NFASC: variants seen among roughly 807,000 people sequenced by gnomAD.
NFASC encodes neurofascin.
In NFASC, 43 loss-of-function variants were observed where a neutral mutation model predicts 147.5. That is an observed-to-expected ratio of 0.29 (90% CI 0.23 to 0.38). The LOEUF is 0.38. Ranked by LOEUF, NFASC falls within the 10% of genes least tolerant of loss-of-function variation. The pLI, the probability that NFASC is intolerant of heterozygous loss-of-function variation, is 1.00. For missense variants in NFASC, 1,320 were observed against 1,689.0 expected, an observed-to-expected ratio of 0.78 and a Z score of 3.83; for synonymous variants, 622 against 665.5, an observed-to-expected ratio of 0.93 and a Z score of 1.01.
intron 1 of NFASC, among the ~76,000 whole-genome samples, chr1:204,910,175 T>G (rs2087012194): frequency 6.6e-6 from 1 of 152,164 alleles, no homozygotes; most frequent in Admixed American, 6.5e-5. Flanking sequence ...ATGGAGATAA[T>G]TTGCATCTTT....
At position 204,944,300 on chromosome 1, in the gene NFASC, G is replaced by A; in HGVS notation, c.-16G>A. ...CCCGAGTGCTGGGGAGCAGGGAGCA[G>A]GGCCAGGTGCCGAGGATGGCCAGGC... On this transcript the variant is annotated 5_prime_UTR_variant, in exon 3 of 30. Coordinates refer to ENST00000339876, the MANE Select transcript of NFASC (RefSeq NM_001005388.3). The A allele has an allele frequency of 1.9e-6, 3 of 1,612,358 alleles. No individual in the cohort carries two copies. The highest frequency in any genetic ancestry group is 2.5e-6 in the Non-Finnish European group (3 of 1,179,452).
intron 1 of NFASC, among the ~76,000 whole-genome samples, chr1:204,892,932 A>G (rs764755348): frequency 2.0e-5 from 3 of 152,256 alleles, no homozygotes; most frequent in Non-Finnish European, 2.9e-5. Flanking sequence ...ATCCATGGCT[A>G]CAGCAAAGCA....
At position 204,842,029 on chromosome 1, in the gene NFASC, T is replaced by G. The variant is rs138220193; in HGVS notation, c.-200+13247T>G. ...GCCCCAGTCCAGGTGCTTATACATCTATACCTGGAGTAGATCTTTATCTCA... is the reference window on the plus strand; with the variant it reads ...GCCCCAGTCCAGGTGCTTATACATCGATACCTGGAGTAGATCTTTATCTCA... On this transcript the variant is annotated intron_variant, in intron 1 of 29. Coordinates refer to ENST00000339876, the MANE Select transcript of NFASC (RefSeq NM_001005388.3). Among the ~76,000 whole-genome samples, 12 of 152,364 alleles carry G rather than the reference T, an allele frequency of 7.9e-5. No homozygotes were observed. In the East Asian group the frequency reaches 2.3e-3, roughly 29 times the overall value.
chr1:204,829,863 T>C (rs1671702909), intron 1 of NFASC, among the ~76,000 whole-genome samples: 1 of 152,194 alleles, frequency 6.6e-6, no homozygotes, highest in Non-Finnish European at 1.5e-5. Context: ...CTTTGGCATC[T>C]GGAGCTGTCA....
intron 1 of NFASC, among the ~76,000 whole-genome samples, chr1:204,913,456 T>C (rs2088244829): frequency 6.6e-6 from 1 of 152,138 alleles, no homozygotes; most frequent in Non-Finnish European, 1.5e-5. Context: ...TACTAGCACA[T>C]GAAGGGATAA....
chr1:204,864,367 T>C (rs530060147), intron 1 of NFASC, among the ~76,000 whole-genome samples: 4 of 152,342 alleles, frequency 2.6e-5, no homozygotes, highest in African/African-American at 9.6e-5. Context: ...TCAGTTCTTT[T>C]GGGTATACAC....
intron 8 of NFASC, among the ~76,000 whole-genome samples, chr1:204,958,422 C>T (rs1021538287): frequency 1.3e-5 from 2 of 152,064 alleles, no homozygotes; most frequent in Non-Finnish European, 2.9e-5. Flanking sequence ...TATTTGTTTT[C>T]GTTTCTATTC....
At chr1:204,947,432 G>T (rs2093821695) in intron 3 of NFASC, among the ~76,000 whole-genome samples, 1 of 152,158 alleles carries the variant, frequency 6.6e-6, no homozygotes, top group Admixed American at 6.5e-5. Context: ...CTACTCATTT[G>T]CCCCTTCAGT....
chr1:204,928,278 A>C (rs572788073), intron 2 of NFASC, among the ~76,000 whole-genome samples: 5 of 152,254 alleles, frequency 3.3e-5, no homozygotes, highest in African/African-American at 1.2e-4. Context: ...CATGTTCCCT[A>C]GTCCTGCCCC....
chr1:204,980,120 A>G (rs2095483048), intron 19 of NFASC, among the ~76,000 whole-genome samples: 1 of 152,264 alleles, frequency 6.6e-6, no homozygotes, highest in Non-Finnish European at 1.5e-5. Flanking sequence ...GGAAAGCCTT[A>G]TGATAAATGC....
intron 1 of NFASC, among the ~76,000 whole-genome samples, chr1:204,882,598 C>A (rs1016317955): frequency 2.0e-5 from 3 of 152,124 alleles, no homozygotes; most frequent in Non-Finnish European, 4.4e-5. Flanking sequence ...TGGCCCGTCT[C>A]CCCCACTGGA....
Position 204,954,783 on chromosome 1 carries a change from C to T in NFASC, c.413-46C>T, listed in dbSNP as rs766110473. On this transcript the variant is annotated intron_variant, in intron 6 of 29. Transcript: ENST00000339876. This position sits in a 1 kb window ranked among gnomAD's most constrained non-coding sequence, Gnocchi z 5.7. ...CTCTGACCCTGCTCCTTGCCCCGGGCCCAGCCATCACCCTCACTTTATCCT... is the reference window on the plus strand; with the variant it reads ...CTCTGACCCTGCTCCTTGCCCCGGGTCCAGCCATCACCCTCACTTTATCCT... 3 of 1,606,620 alleles carry T rather than the reference C, an allele frequency of 1.9e-6. No homozygotes were observed. The highest frequency in any genetic ancestry group is 2.6e-6 in the Non-Finnish European group (3 of 1,174,612).
chr1:204,939,054 G>GTC (rs1476580814), intron 2 of NFASC, among the ~76,000 whole-genome samples: 28 of 150,912 alleles, frequency 1.9e-4, no homozygotes, highest in African/African-American at 6.3e-4. Flanking sequence ...GTGTGTGTGT[G>GTC]TGTGTGTGTG....
At chr1:204,972,678 T>C (rs1476726965) in intron 11 of NFASC, among the ~76,000 whole-genome samples, 1 of 152,244 alleles carries the variant, frequency 6.6e-6, no homozygotes, top group Non-Finnish European at 1.5e-5. Context: ...CTTATGGGTT[T>C]AACTTTATGA....
rs2095344136 is a variant in NFASC at position 204,974,257 on chromosome 1, C to T, written c.1358C>T (p.Pro453Leu). ...TACAACCGGACGCGGCTGGACTGCC[C>T]TTTCTTTGGGTCTCCCATCCCCACA... ...ILYNRTRLDCPFFGSPIPTLR... is the reference protein window; with the variant it reads ...ILYNRTRLDCLFFGSPIPTLR... The change falls in exon 13 of 30, where the codon CCT (proline) becomes CTT (leucine). Residue 453 changes from proline (P) to leucine (L), a missense_variant. Physicochemically the swap from Pro to Leu is moderately conservative, Grantham distance 98. Transcript: ENST00000339876. 1 of 1,614,012 alleles carries T rather than the reference C, an allele frequency of 6.2e-7. No individual in the cohort carries two copies. The highest frequency in any genetic ancestry group is 8.5e-7 in the Non-Finnish European group (1 of 1,179,998).
intron 1 of NFASC, among the ~76,000 whole-genome samples, chr1:204,835,062 C>T (rs1673295916): frequency 6.6e-6 from 1 of 152,102 alleles, no homozygotes; most frequent in Non-Finnish European, 1.5e-5. Context: ...GAGACCCTGT[C>T]TTCTGCCTTA....
In NFASC at chr1:204,920,712, C is replaced by T; in HGVS notation, c.-119C>T. On this transcript the variant is annotated 5_prime_UTR_variant, in exon 2 of 30. Transcript: ENST00000339876. ...TGGAACAGAGCCTCCTCTGGTGTTG[C>T]AAGGAAGAGGCTGAATGAGGCAGAG... 8 of 1,289,166 alleles carry T rather than the reference C, an allele frequency of 6.2e-6. No homozygotes were observed. The highest frequency in any genetic ancestry group is 8.1e-6 in the Non-Finnish European group (8 of 988,454). 79.9% of individuals were successfully genotyped at this position (1,289,166 alleles called of 1,614,324 possible).
At chr1:204,963,907 C>G (rs1287662625) in intron 8 of NFASC, among the ~76,000 whole-genome samples, 1 of 152,210 alleles carries the variant, frequency 6.6e-6, no homozygotes, top group Non-Finnish European at 1.5e-5. Context: ...TGGCACGTCT[C>G]TTTTGTAGCA....
chr1:204,853,143 TG>T (rs1287500116), intron 1 of NFASC, among the ~76,000 whole-genome samples: 1 of 152,212 alleles, frequency 6.6e-6, no homozygotes, highest in Non-Finnish European at 1.5e-5. Context: ...AATGATCTAC[TG>T]GATGTCATTT....
Sources: allele counts gnomAD v4.1 joint callset (sites outside exome capture counted in the v4.1 genomes callset), GRCh38; gene constraint gnomAD v4.1.1; non-coding constraint Gnocchi (gnomAD v3.1); transcripts MANE v1.5; gene names NCBI Gene and HGNC (gene_info 2026-07-23, HGNC 2026-07-21).